The following PSKH1 variants were observed in gnomAD, a reference collection of about 807,000 sequenced individuals.
PSKH1 encodes serine/threonine-protein kinase H1.
Under a neutral mutation model 26.7 loss-of-function variants are expected in PSKH1, and 12 were observed. The observed-to-expected ratio is 0.45, with a 90% CI of 0.29 to 0.73. PSKH1 has a LOEUF of 0.73. Ranked by LOEUF, PSKH1 falls within the 30% of genes least tolerant of loss-of-function variation. The probability of loss-of-function intolerance (pLI) is 0.11; values close to 1 mark genes in which losing one functional copy is unlikely to be tolerated. For missense variants in PSKH1, 431 were observed against 595.2 expected (o/e 0.72, Z 2.87); for synonymous variants, 213 against 234.3 (o/e 0.91, Z 0.83).
chr16:67,924,524 C>T (rs568335133), intron 2 of PSKH1, among the ~76,000 whole-genome samples: 1 of 152,346 alleles, frequency 6.6e-6, no homozygotes, highest in South Asian at 2.1e-4. Flanking sequence ...TTCAGGTCCA[C>T]GGTTTCGCTG....
chr16:67,896,288 T>C (rs963794598), intron 1 of PSKH1, among the ~76,000 whole-genome samples: 14 of 152,018 alleles, frequency 9.2e-5, no homozygotes, highest in Admixed American at 7.9e-4. Flanking sequence ...TTTGTATTTT[T>C]AGTAGAGACG....
At chr16:67,917,758 G>A (rs529210066) in intron 2 of PSKH1, among the ~76,000 whole-genome samples, 2 of 152,146 alleles carry the variant, frequency 1.3e-5, no homozygotes, top group South Asian at 4.1e-4. Flanking sequence ...CAGGCAGGGG[G>A]AGGATTTAAA....
intron 2 of PSKH1, among the ~76,000 whole-genome samples, chr16:67,910,313 G>T (rs923514440): frequency 6.6e-6 from 1 of 152,180 alleles, no homozygotes; most frequent in South Asian, 2.1e-4. Flanking sequence ...AGCTCAGGGG[G>T]TGGGCTGAGA....
At chr16:67,921,695 C>T (rs1337476290) in intron 2 of PSKH1, among the ~76,000 whole-genome samples, 1 of 152,098 alleles carries the variant, frequency 6.6e-6, no homozygotes, top group Non-Finnish European at 1.5e-5. Flanking sequence ...CTGCAGCAGG[C>T]TTCTAAATCT....
At chr16:67,920,420 C>G (rs2058198970) in intron 2 of PSKH1, among the ~76,000 whole-genome samples, 1 of 152,126 alleles carries the variant, frequency 6.6e-6, no homozygotes, top group South Asian at 2.1e-4. Flanking sequence ...GGCCACCACA[C>G]CGGGCTAATT....
chr16:67,905,972 A>AC (rs1309551658), intron 1 of PSKH1, among the ~76,000 whole-genome samples: 3 of 152,016 alleles, frequency 2.0e-5, no homozygotes, highest in Non-Finnish European at 4.4e-5. Context: ...CCTACCTTGG[A>AC]CCATGTTTTA....
chr16:67,897,346 A>T (rs1007015517), intron 1 of PSKH1, among the ~76,000 whole-genome samples: 2 of 152,224 alleles, frequency 1.3e-5, no homozygotes, highest in African/African-American at 4.8e-5. Context: ...TGTGTTGGCT[A>T]GGTCATCACT....
chr16:67,904,055 G>A (rs1373403296), intron 1 of PSKH1, among the ~76,000 whole-genome samples: 3 of 138,262 alleles, frequency 2.2e-5, no homozygotes, highest in Non-Finnish European at 4.6e-5. Flanking sequence ...TTGCTCTGTT[G>A]CCCAGGCTGG....
At chr16:67,918,574 G>A (rs1247613893) in intron 2 of PSKH1, among the ~76,000 whole-genome samples, 2 of 151,590 alleles carry the variant, frequency 1.3e-5, no homozygotes, top group African/African-American at 4.8e-5. Flanking sequence ...GGGGCAATGA[G>A]CTTGACCACC....
chr16:67,909,935 A>G lies in PSKH1; in HGVS notation c.957+229A>G. 1.7e-6 allele frequency: 1 copy of G among 575,100 alleles called. No homozygotes were observed. Among genetic ancestry groups the G allele is most frequent in the Middle Eastern group, 4.5e-4 (1 of 2,212 alleles). The allele number at this position is 575,100 out of a possible 1,614,324, so 35.6% of individuals were successfully genotyped here. A position where few individuals can be genotyped will look rare whatever the true frequency, so the allele number is the denominator to read the frequency against. On this transcript the variant is annotated intron_variant, in intron 2 of 2. Coordinates refer to ENST00000291041, the MANE Select transcript of PSKH1 (RefSeq NM_006742.3). This position sits in a 1 kb window ranked among gnomAD's most constrained non-coding sequence, Gnocchi z 7.8. ...AGTTTATTTGGGATGTGATTTGAGT[A>G]ACTAAAAGTGAAGGAGTGGGAAAAG...
Position 67,929,675 on chromosome 16 carries a change from A to G in PSKH1, c.*2033A>G. On this transcript the variant is annotated 3_prime_UTR_variant, in exon 3 of 3. Transcript: ENST00000291041. ...TCCAGGGAGGGCTGCCATTCATTCC[A>G]ACAGTTCTGGCTTCTTGCTGTAGGA... is the stretch of plus-strand genomic sequence containing the variant. 5.8e-6 allele frequency: 3 copies of G among 516,026 alleles called. No homozygotes were observed. Among genetic ancestry groups the G allele is most frequent in the Admixed American group, 6.4e-5 (2 of 31,220 alleles). The allele number at this position is 516,026 out of a possible 1,614,324, so 32.0% of individuals were successfully genotyped here. A position where few individuals can be genotyped will look rare whatever the true frequency, so the allele number is the denominator to read the frequency against.
At chr16:67,911,546 G>A (rs2058173283) in intron 2 of PSKH1, among the ~76,000 whole-genome samples, 1 of 152,202 alleles carries the variant, frequency 6.6e-6, no homozygotes, top group African/African-American at 2.4e-5. Flanking sequence ...GCCGGGTGTG[G>A]CAGCGGGCAC....
chr16:67,929,033 G>T lies in PSKH1; in HGVS notation c.*1391G>T, dbSNP rs140319138. On this transcript the variant is annotated 3_prime_UTR_variant, in exon 3 of 3. Transcript: ENST00000291041. ...AAGGAGCCCCTGCGGGAGGTGGGTG[G>T]GGTTGGGTGGCTGCTTTCCCAGAGG... 805 of 152,924 alleles carry T rather than the reference G, an allele frequency of 5.3e-3. 9 individuals are homozygous for T. The highest frequency in any genetic ancestry group is 0.019 in the African/African-American group (775 of 41,588). The allele number at this position is 152,924 out of a possible 1,614,324, so 9.5% of individuals were successfully genotyped here. A position where few individuals can be genotyped will look rare whatever the true frequency, so the allele number is the denominator to read the frequency against.
chr16:67,915,208 A>AGTGT (rs10599179), intron 2 of PSKH1, among the ~76,000 whole-genome samples: 282 of 143,984 alleles, frequency 2.0e-3, no homozygotes, highest in East Asian at 0.01. Flanking sequence ...AGAGAGAGAG[A>AGTGT]GTGTGTGTGT....
chr16:67,908,118 T>C (rs1440538486), intron 1 of PSKH1, among the ~76,000 whole-genome samples: 4 of 152,126 alleles, frequency 2.6e-5, no homozygotes, highest in Non-Finnish European at 5.9e-5. Context: ...CCTCTCAGGG[T>C]TGAAGAGCAG....
chr16:67,917,404 C>A (rs1461853007), intron 2 of PSKH1, among the ~76,000 whole-genome samples: 1 of 152,242 alleles, frequency 6.6e-6, no homozygotes, highest in Non-Finnish European at 1.5e-5. Context: ...GTGGACACAT[C>A]TCTCCTGTCT....
chr16:67,915,348 A>G (rs911787514), intron 2 of PSKH1, among the ~76,000 whole-genome samples: 19 of 151,920 alleles, frequency 1.3e-4, no homozygotes, highest in African/African-American at 4.6e-4. Context: ...GGTGGCCCTT[A>G]TCTGTGACCA....
At chr16:67,923,762 C>T (rs1005264091) in intron 2 of PSKH1, among the ~76,000 whole-genome samples, 14 of 152,242 alleles carry the variant, frequency 9.2e-5, no homozygotes, top group African/African-American at 3.1e-4. Flanking sequence ...TTCAGTTCTT[C>T]ACCTAGAACA....
At chr16:67,917,009 C>G (rs2058189770) in intron 2 of PSKH1, among the ~76,000 whole-genome samples, 1 of 152,224 alleles carries the variant, frequency 6.6e-6, no homozygotes, top group Non-Finnish European at 1.5e-5. Context: ...CTCTCCACAC[C>G]AAGCTTCTGC....
Sources: gnomAD v4.1 joint callset for allele counts (sites outside exome capture counted in the v4.1 genomes callset) on GRCh38, gnomAD v4.1.1 for gene constraint, Gnocchi (gnomAD v3.1) non-coding constraint, MANE v1.5 for transcripts, NCBI Gene and HGNC (gene_info 2026-07-23, HGNC 2026-07-21) for gene names.